The following NUB1 variants were observed in gnomAD, a reference collection of about 807,000 sequenced individuals.
NUB1 encodes NEDD8 ultimate buster 1.
NUB1 carries 41 observed loss-of-function variants against 77.1 expected under a neutral mutation model. The observed-to-expected ratio is 0.53, with a 90% CI of 0.41 to 0.69. The LOEUF is 0.69. Among genes scored for constraint, NUB1 ranks in the 30% least tolerant of loss-of-function variants. The pLI is 0.00. For missense variants in NUB1, 643 were observed against 743.8 expected (o/e 0.86, Z 1.58); for synonymous variants, 257 against 281.0 (o/e 0.91, Z 0.85).
Position 151,374,091 on chromosome 7 carries a change from C to T in NUB1, c.1249-6C>T. ...CTTGGGATGGGACTTTGCTGTTTTC[C>T]TAAAGGAACTGGCCCAAATAAGGAA... is the stretch of plus-strand genomic sequence containing the variant. On this transcript the variant is annotated splice_region_variant and splice_polypyrimidine_tract_variant and intron_variant, in intron 11 of 14. Coordinates refer to ENST00000568733, the MANE Select transcript of NUB1 (RefSeq NM_001243351.2). The T allele has an allele frequency of 6.4e-7, 1 of 1,551,934 alleles. No homozygotes were observed. Among genetic ancestry groups the T allele is most frequent in the Non-Finnish European group, 8.7e-7 (1 of 1,147,540 alleles).
chr7:151,344,941 A>G (rs574467505), intron 1 of NUB1, among the ~76,000 whole-genome samples: 2 of 152,108 alleles, frequency 1.3e-5, no homozygotes, highest in African/African-American at 2.4e-5. Context: ...CGGAGCTTGC[A>G]GTGAGCCGAG....
In NUB1 at chr7:151,376,748, G is replaced by A. The variant is rs571331739; in HGVS notation, c.1606G>A (p.Glu536Lys). The change falls in exon 14 of 15, where the codon GAG (glutamate) becomes AAG (lysine). Residue 536 changes from glutamate (E) to lysine (K), a missense_variant. Glu to Lys is a moderately conservative substitution (Grantham distance 56). Coordinates refer to ENST00000568733, the MANE Select transcript of NUB1 (RefSeq NM_001243351.2). ...LAHNGGSLPP[E>K]LPLSPEDSLS... Reference sequence around the variant, plus strand: ...TCACAACGGAGGAAGCCTGCCTCCCGAGCTGCCGCTGTCGCCAGAAGACTC... The same window carrying A: ...TCACAACGGAGGAAGCCTGCCTCCCAAGCTGCCGCTGTCGCCAGAAGACTC... 2.6e-5 allele frequency: 42 copies of A among 1,598,608 alleles called. 1 individual carries two copies. The East Asian group carries it at 5.0e-4, about 19-fold the overall frequency.
At chr7:151,376,495 C>A in intron 13 of NUB1, 139 bp from the exon 14 acceptor site, 2 of 818,920 alleles carry the variant, frequency 2.4e-6, no homozygotes, top group Non-Finnish European at 3.7e-6. Flanking sequence ...TGCACAGAAG[C>A]ATGACTTGTG....
rs760755061 is a variant in NUB1, at chr7:151,352,892, G to A, written c.415+10G>A. On this transcript the variant is annotated intron_variant, in intron 5 of 14. Transcript: ENST00000568733. ...AAGCAACTACAACTAGGTATGTATG[G>A]CAAAGTATGCATAATTTTTTAATGA... 5.1e-6 allele frequency: 7 copies of A among 1,384,676 alleles called. No individual in the cohort carries two copies. The Admixed American group carries it at 1.2e-4, about 25-fold the overall frequency. The allele number at this position is 1,384,676 out of a possible 1,614,324, so 85.8% of individuals were successfully genotyped here. A position where few individuals can be genotyped will look rare whatever the true frequency, so the allele number is the denominator to read the frequency against.
chr7:151,376,094 A>G, intron 13 of NUB1, 151 bp downstream of exon 13: 1 of 630,636 alleles, frequency 1.6e-6, no homozygotes, highest in Non-Finnish European at 2.9e-6. Context: ...CTCAGAGGCC[A>G]CCCACGCAGT....
chr7:151,350,977 AGG>A (rs1161519827), intron 3 of NUB1: 1 of 172,100 alleles, frequency 5.8e-6, no homozygotes, highest in Non-Finnish European at 1.2e-5. Context: ...CATGATGCTC[AGG>A]GAAGAAGCCA....
intron 5 of NUB1, 50 bp from the exon 6 acceptor site, chr7:151,355,718 T>C: frequency 6.8e-7 from 1 of 1,475,434 alleles, no homozygotes. Context: ...GACTGTTACC[T>C]GGTAAGCTTA....
chr7:151,364,105 T>C (rs567310794), intron 8 of NUB1, among the ~76,000 whole-genome samples: 1 of 150,968 alleles, frequency 6.6e-6, no homozygotes, highest in African/African-American at 2.4e-5. Flanking sequence ...AAAATTTTTA[T>C]GTTAAATAAA....
Position 151,374,083 on chromosome 7 carries a change from C to T in NUB1, c.1249-14C>T. On this transcript the variant is annotated splice_polypyrimidine_tract_variant and intron_variant, in intron 11 of 14. Transcript: ENST00000568733. ...GTCCCTAACTTGGGATGGGACTTTG[C>T]TGTTTTCCTAAAGGAACTGGCCCAA... The T allele has an allele frequency of 6.5e-7, 1 of 1,548,570 alleles. No homozygotes were observed. The highest frequency in any genetic ancestry group is 8.7e-7 in the Non-Finnish European group (1 of 1,145,418).
chr7:151,376,316 G>A (rs1038983286), intron 13 of NUB1: 15 of 478,632 alleles, frequency 3.1e-5, no homozygotes, highest in African/African-American at 2.5e-4. Flanking sequence ...GCCCCTACAC[G>A]CGTTAGCACG....
intron 11 of NUB1, among the ~76,000 whole-genome samples, chr7:151,373,724 G>A (rs1798065805): frequency 6.6e-6 from 1 of 152,206 alleles, no homozygotes; most frequent in African/African-American, 2.4e-5. Flanking sequence ...TCTCCTACCC[G>A]GTTCCTACCT....
intron 1 of NUB1, among the ~76,000 whole-genome samples, chr7:151,342,167 G>A (rs1401142100): frequency 6.6e-6 from 1 of 152,176 alleles, no homozygotes. Context: ...TTAGCCAAAT[G>A]CTATACTTGA....
intron 1 of NUB1, among the ~76,000 whole-genome samples, chr7:151,342,134 G>A (rs769013443): frequency 1.3e-5 from 2 of 152,212 alleles, no homozygotes; most frequent in African/African-American, 4.8e-5. Context: ...GGGAGAGAAA[G>A]GAATAAATAT....
intron 11 of NUB1, among the ~76,000 whole-genome samples, chr7:151,369,354 C>T (rs768299400): frequency 2.6e-5 from 4 of 152,158 alleles, no homozygotes; most frequent in Non-Finnish European, 4.4e-5. Flanking sequence ...GCTGCAGTCT[C>T]CTTAGTTTTG....
chr7:151,371,257 C>G (rs899341801), intron 11 of NUB1, among the ~76,000 whole-genome samples: 1 of 152,124 alleles, frequency 6.6e-6, no homozygotes, highest in African/African-American at 2.4e-5. Flanking sequence ...GATTTATTGG[C>G]CGTTTACTTG....
intron 13 of NUB1, 172 bp from the exon 14 acceptor site, chr7:151,376,462 T>G (rs1239073125): frequency 6.3e-6 from 4 of 630,448 alleles, no homozygotes; most frequent in Non-Finnish European, 1.0e-5. Context: ...CAAGCCCCCT[T>G]CCAGGTTGCT....
rs768385156 is a variant in NUB1, at chr7:151,352,833, T to C, written c.366T>C (p.Leu122=). 1 of 1,560,186 alleles carries C rather than the reference T, an allele frequency of 6.4e-7. No individual in the cohort carries two copies. The highest frequency in any genetic ancestry group is 1.4e-5 in the African/African-American group (1 of 73,782). ...ACAGAATAGCTGAAACCTTTGGACT[T>C]CAAGAAAATTATATCAAAATTGTCA... The part of the protein sequence containing the change: ...LRSKIAETFG[L]QENYIKIVIN... The change falls in exon 5 of 15, where the codon CTT becomes CTC. Residue 122 remains leucine (L), a synonymous_variant. Coordinates refer to ENST00000568733, the MANE Select transcript of NUB1 (RefSeq NM_001243351.2).
intron 3 of NUB1, among the ~76,000 whole-genome samples, chr7:151,349,576 G>C (rs765510234): frequency 3.3e-5 from 5 of 152,204 alleles, no homozygotes; most frequent in Non-Finnish European, 7.3e-5. Flanking sequence ...AGCACAGAAG[G>C]CTTCATCCTT....
At chr7:151,353,734 G>A (rs188614016) in intron 5 of NUB1, among the ~76,000 whole-genome samples, 220 of 152,322 alleles carry the variant, frequency 1.4e-3, no homozygotes, top group African/African-American at 5.1e-3. Flanking sequence ...GTTAGCTACT[G>A]CAGCCATCCA....
Sources: allele counts gnomAD v4.1 joint callset (sites outside exome capture counted in the v4.1 genomes callset), GRCh38; gene constraint gnomAD v4.1.1; transcripts MANE v1.5; gene names NCBI Gene and HGNC (gene_info 2026-07-23, HGNC 2026-07-21).